Variants in CD302 observed in about 807,000 individuals in gnomAD.
CD302 encodes the protein CD302 antigen.
CD302 carries 23 observed loss-of-function variants against 26.5 expected under a neutral mutation model. The observed-to-expected ratio is 0.87, with a 90% confidence interval of 0.62 to 1.23. The LOEUF (loss-of-function observed/expected upper bound fraction) is 1.23. Among genes scored for constraint, CD302 ranks in the 50% most tolerant of loss-of-function variants. The pLI, the probability that CD302 is intolerant of heterozygous loss-of-function variation, is 0.00. For missense variants in CD302, 290 were observed against 275.5 expected (o/e 1.05, Z -0.37); for synonymous variants, 90 against 99.4 (o/e 0.91, Z 0.56).
At chr2:159,794,305 T>TAAA (rs10656353) in intron 1 of CD302, among the ~76,000 whole-genome samples, 9 of 108,408 alleles carry the variant, frequency 8.3e-5, no homozygotes, top group East Asian at 2.6e-4. Flanking sequence ...AATAAAATAA[T>TAAA]AAAAAAAAAA....
In CD302 at chr2:159,771,793, C is replaced by T; in HGVS notation, c.*58G>A. On this transcript the variant is annotated 3_prime_UTR_variant, in exon 6 of 6. Coordinates refer to ENST00000259053, the MANE Select transcript of CD302 (RefSeq NM_014880.5). ...TGTCAAGTTTTATATTAAAATCTTT[C>T]CCAAGTTATCTCTGCCAGGGCATTT... 6.3e-7 allele frequency: 1 copy of T among 1,575,154 alleles called. No homozygotes were observed. Among genetic ancestry groups the T allele is most frequent in the East Asian group, 2.3e-5 (1 of 44,444 alleles).
In CD302 at chr2:159,777,952, CT is replaced by C; in HGVS notation, c.481del (p.Arg161GlyfsTer10). 1 of 999,406 alleles carries C rather than the reference CT, an allele frequency of 1.0e-6. No homozygotes were observed. The highest frequency in any genetic ancestry group is 1.4e-6 in the Non-Finnish European group (1 of 700,196). 61.9% of individuals were successfully genotyped at this position (999,406 alleles called of 1,614,324 possible). On this transcript the variant is annotated frameshift_variant, in exon 5 of 6. Coordinates refer to ENST00000259053, the MANE Select transcript of CD302 (RefSeq NM_014880.5). LOFTEE classifies it high-confidence loss of function. ...TLCKTAIPYKRKYLSDNHILI... is the reference protein window; with the variant it reads ...TLCKTAIPYKXKYLSDNHILI... Reference sequence around the variant, plus strand: ...TCATTACTTACCTGATAAATATTTCCTTTTGTATGGGACTAAAATACAAAAG... The same window carrying C: ...TCATTACTTACCTGATAAATATTTCCTTTGTATGGGACTAAAATACAAAAG...
chr2:159,773,446 TTAAA>T (rs1390757308), intron 5 of CD302, among the ~76,000 whole-genome samples: 9 of 152,332 alleles, frequency 5.9e-5, no homozygotes, highest in South Asian at 4.1e-4. Context: ...AGCATCTACT[TTAAA>T]TAGGAATTAC....
At chr2:159,776,566 GTCT>G (rs1343487713) in intron 5 of CD302, among the ~76,000 whole-genome samples, 2 of 151,990 alleles carry the variant, frequency 1.3e-5, no homozygotes, top group African/African-American at 4.8e-5. Flanking sequence ...GTTATTTATT[GTCT>G]TCTTCCTATA....
intron 5 of CD302, among the ~76,000 whole-genome samples, chr2:159,774,959 A>G (rs551864693): frequency 2.8e-4 from 42 of 152,260 alleles, no homozygotes; most frequent in African/African-American, 9.1e-4. Context: ...CCCTATCTAC[A>G]TGACAGGCTT....
At chr2:159,791,632 A>C (rs779786478) in intron 1 of CD302, among the ~76,000 whole-genome samples, 10 of 152,236 alleles carry the variant, frequency 6.6e-5, no homozygotes, top group Non-Finnish European at 1.3e-4. Context: ...TCTGTCTTGA[A>C]CATAACACTG....
rs1480065076 is a variant in CD302 at position 159,771,854 on chromosome 2, G to C, written c.696C>G (p.Asp232Glu). 1.2e-6 allele frequency: 2 copies of C among 1,613,422 alleles called. No individual in the cohort carries two copies. The highest frequency in any genetic ancestry group is 2.2e-5 in the East Asian group (1 of 44,856). ...GEENEYPVQF[D>E] Reference sequence around the variant, plus strand: ...TTAGTGCAAGATTACCAAAAACTTAGTCAAATTGAACAGGATATTCATTTT... The same window carrying C: ...TTAGTGCAAGATTACCAAAAACTTACTCAAATTGAACAGGATATTCATTTT... The change falls in exon 6 of 6, where the codon GAC (aspartate) becomes GAG (glutamate). Residue 232 changes from aspartate to glutamate, a missense_variant. Coordinates refer to ENST00000259053, the MANE Select transcript of CD302 (RefSeq NM_014880.5).
rs1203845877 is a variant in CD302, at chr2:159,771,921, TG to T, written c.628del (p.Gln210AsnfsTer11). ...AACACAGTCTTCATTATAAGGTGATTGGGGTGCGGTTGAAAAAACTGTGGTG... is the reference window on the plus strand; with the variant it reads ...AACACAGTCTTCATTATAAGGTGATTGGGTGCGGTTGAAAAAACTGTGGTG... ...RFTTVFSTAP[Q>X]SPYNEDCVLV... is the part of the protein sequence containing the mutation. On this transcript the variant is annotated frameshift_variant, in exon 6 of 6. Transcript: ENST00000259053. LOFTEE classifies it high-confidence loss of function. 1.2e-6 allele frequency: 2 copies of T among 1,614,016 alleles called. No individual in the cohort carries two copies. Among genetic ancestry groups the T allele is most frequent in the South Asian group, 1.1e-5 (1 of 91,078 alleles).
intron 1 of CD302, among the ~76,000 whole-genome samples, chr2:159,791,297 G>A (rs981482071): frequency 4.6e-5 from 7 of 152,302 alleles, no homozygotes; most frequent in Non-Finnish European, 4.4e-5. Context: ...TAGGCTTAGC[G>A]TTCATATACT....
chr2:159,780,042 T>C lies in CD302; in HGVS notation c.432A>G (p.Glu144=). 1.9e-6 allele frequency: 3 copies of C among 1,614,148 alleles called. No individual in the cohort carries two copies. The South Asian group carries it at 3.3e-5, about 18-fold the overall frequency. ...KTGEWKKGNC[E]VSSVEGTLCK... ...ATAGTGTTCCTTCCACAGAAGAAAC[T>C]TCACAATTTCCTTTTTTCCATTCAC... The change falls in exon 4 of 6, where the codon GAA becomes GAG. Residue 144 remains glutamate (E), a synonymous_variant. Transcript: ENST00000259053.
At chr2:159,791,494 T>A (rs1708805901) in intron 1 of CD302, among the ~76,000 whole-genome samples, 1 of 152,246 alleles carries the variant, frequency 6.6e-6, no homozygotes, top group Non-Finnish European at 1.5e-5. Flanking sequence ...CATGTTTACA[T>A]AGCACTCATT....
chr2:159,783,305 G>T lies in CD302; in HGVS notation c.178+54C>A. 1.7e-5 allele frequency: 24 copies of T among 1,392,652 alleles called. 1 individual carries two copies. The South Asian group carries it at 3.2e-4, about 19-fold the overall frequency. 86.3% of individuals were successfully genotyped at this position (1,392,652 alleles called of 1,614,324 possible). On this transcript the variant is annotated intron_variant, in intron 2 of 5. Transcript: ENST00000259053. Reference sequence around the variant, plus strand: ...AAAATCAATTTTTAAAGAAATTAATGAACACTGTTCACTAATTTGTGAAAA... The same window carrying T: ...AAAATCAATTTTTAAAGAAATTAATTAACACTGTTCACTAATTTGTGAAAA...
intron 5 of CD302, among the ~76,000 whole-genome samples, chr2:159,773,094 C>T (rs1052704346): frequency 2.0e-5 from 3 of 152,208 alleles, no homozygotes; most frequent in African/African-American, 4.8e-5. Context: ...TTTTTGGCTA[C>T]GGCAACCTCC....
In CD302 at chr2:159,777,924, A is replaced by G; in HGVS notation, c.496+14T>C. On this transcript the variant is annotated intron_variant, in intron 5 of 5. Coordinates refer to ENST00000259053, the MANE Select transcript of CD302 (RefSeq NM_014880.5). ...TAATTGTGGGAAAAATTTAAAGACC[A>G]AATCATTACTTACCTGATAAATATT... 1 of 1,024,550 alleles carries G rather than the reference A, an allele frequency of 9.8e-7. No individual in the cohort carries two copies. The highest frequency in any genetic ancestry group is 1.4e-6 in the Non-Finnish European group (1 of 710,462). The allele number at this position is 1,024,550 out of a possible 1,614,324, so 63.5% of individuals were successfully genotyped here. A position where few individuals can be genotyped will look rare whatever the true frequency, so the allele number is the denominator to read the frequency against.
intron 5 of CD302, among the ~76,000 whole-genome samples, chr2:159,775,891 CT>C (rs70997201): frequency 5.7e-4 from 83 of 146,512 alleles, no homozygotes; most frequent in African/African-American, 1.5e-3. Context: ...GCTTATTTTT[CT>C]TTTTTTTTTG....
At chr2:159,774,200 T>C (rs1453092213) in intron 5 of CD302, among the ~76,000 whole-genome samples, 1 of 152,150 alleles carries the variant, frequency 6.6e-6, no homozygotes, top group Non-Finnish European at 1.5e-5. Context: ...TTTCCATGGT[T>C]GATCTCAACC....
chr2:159,786,332 CTTTTTTTT>C (rs56163054), intron 1 of CD302, among the ~76,000 whole-genome samples: 1 of 112,680 alleles, frequency 8.9e-6, no homozygotes, highest in Non-Finnish European at 1.9e-5. Context: ...TTGTCTTTTT[CTTTTTTTT>C]TTTTTTTTTT....
At chr2:159,786,700 C>T (rs1296063904) in intron 1 of CD302, among the ~76,000 whole-genome samples, 1 of 152,198 alleles carries the variant, frequency 6.6e-6, no homozygotes, top group East Asian at 1.9e-4. Context: ...TTTCCTGATA[C>T]ACTTTTTAAA....
chr2:159,780,317 G>A, intron 3 of CD302, 139 bp from the exon 4 acceptor site: 1 of 972,386 alleles, frequency 1.0e-6, no homozygotes, highest in Non-Finnish European at 1.5e-6. Context: ...ATTAGAAGGA[G>A]GAATATATCC....
Sources: gnomAD v4.1 joint callset for allele counts (sites outside exome capture counted in the v4.1 genomes callset) on GRCh38, gnomAD v4.1.1 for gene constraint, MANE v1.5 for transcripts, NCBI Gene and HGNC (gene_info 2026-07-23, HGNC 2026-07-21) for gene names.